ARHGAP23: variants seen among roughly 807,000 people sequenced by gnomAD.
ARHGAP23 encodes the protein Rho GTPase activating protein 23, also known as rho GTPase-activating protein 23.
Under a neutral mutation model 136.3 loss-of-function variants are expected in ARHGAP23, and 34 were observed. That is an observed-to-expected ratio of 0.25 (90% CI 0.19 to 0.33). The LOEUF (loss-of-function observed/expected upper bound fraction) is 0.33, where lower values mean the gene tolerates loss of function less well. Among genes scored for constraint, ARHGAP23 ranks in the 10% least tolerant of loss-of-function variants. The pLI is 1.00. For missense variants in ARHGAP23, 1,808 were observed against 2,139.0 expected (o/e 0.85, Z 3.05); for synonymous variants, 832 against 920.5 (o/e 0.90, Z 1.74).
intron 1 of ARHGAP23, among the ~76,000 whole-genome samples, chr17:38,456,118 G>A (rs112849790): frequency 0.028 from 4,192 of 152,266 alleles, 73 homozygotes; most frequent in Middle Eastern, 0.061. Flanking sequence ...TCAGCCTCTT[G>A]TATATTCCAC....
At chr17:38,501,214 CA>C (rs2040510541) in intron 23 of ARHGAP23, 1 of 151,448 alleles carries the variant, frequency 6.6e-6, no homozygotes, top group South Asian at 2.1e-4. Flanking sequence ...GCCAGACTAA[CA>C]GAATAAAAAG....
At position 38,464,730 on chromosome 17, in the gene ARHGAP23, G is replaced by T. The variant is rs565368101; in HGVS notation, c.483+1348G>T. Among the ~76,000 whole-genome samples, 267 of 152,334 alleles carry T rather than the reference G, an allele frequency of 1.8e-3. 1 individual carries two copies. Among genetic ancestry groups the T allele is most frequent in the African/African-American group, 6.0e-3 (250 of 41,582 alleles). ...TCCCCCACTCTCTCCAGTTGGCAGG[G>T]GCAAGGAGTGGGAAGGGCAGTAGCC... On this transcript the variant is annotated intron_variant, in intron 6 of 23. Coordinates refer to ENST00000622683, the MANE Select transcript of ARHGAP23 (RefSeq NM_001199417.2).
chr17:38,479,762 T>A lies in ARHGAP23; in HGVS notation c.2508T>A (p.Ser836=). 6.7e-7 allele frequency: 1 copy of A among 1,488,276 alleles called. No homozygotes were observed. Among genetic ancestry groups the A allele is most frequent in the East Asian group, 2.5e-5 (1 of 40,298 alleles). The allele number at this position is 1,488,276 out of a possible 1,614,324, so 92.2% of individuals were successfully genotyped here. A position where few individuals can be genotyped will look rare whatever the true frequency, so the allele number is the denominator to read the frequency against. Residue 836 remains serine (S), a synonymous_variant, in exon 14 of 24, where the codon TCT becomes TCA. Coordinates refer to ENST00000622683, the MANE Select transcript of ARHGAP23 (RefSeq NM_001199417.2). ...LNDYRKVSHS[S]GPKADSSPKG... ...CCTTTTTCCTACACAGCCATAGCTC[T>A]GGGCCCAAAGCTGATTCCTCCCCCA...
At chr17:38,484,837 G>C (rs1458762480) in intron 16 of ARHGAP23, among the ~76,000 whole-genome samples, 1 of 152,170 alleles carries the variant, frequency 6.6e-6, no homozygotes, top group African/African-American at 2.4e-5. Context: ...TAAGTGTAGT[G>C]GGGGATGAAT....
At chr17:38,461,155 G>A (rs897822808) in intron 3 of ARHGAP23, among the ~76,000 whole-genome samples, 4 of 152,134 alleles carry the variant, frequency 2.6e-5, no homozygotes, top group African/African-American at 9.7e-5. Flanking sequence ...GTCTCCCTTG[G>A]GCATTTCCTC....
At chr17:38,478,700 T>C (rs7501841) in intron 12 of ARHGAP23, among the ~76,000 whole-genome samples, 52,941 of 152,014 alleles carry the variant, frequency 0.35, 9,979 homozygotes, top group East Asian at 0.48. Flanking sequence ...TGAGCTACTG[T>C]GCCCAGCCGA....
At chr17:38,464,290 CCA>C (rs139399817) in intron 6 of ARHGAP23, among the ~76,000 whole-genome samples, 1,755 of 150,870 alleles carry the variant, frequency 0.012, 18 homozygotes, top group African/African-American at 0.038. Flanking sequence ...GCATACCCTT[CCA>C]CACACACACA....
At chr17:38,481,232 C>T (rs1167842488) in intron 14 of ARHGAP23, among the ~76,000 whole-genome samples, 7 of 151,788 alleles carry the variant, frequency 4.6e-5, no homozygotes, top group South Asian at 2.1e-4. Context: ...CTGCAAGCTC[C>T]GCCTCCTGGG....
chr17:38,505,971 C>T (rs138725795), intron 23 of ARHGAP23, among the ~76,000 whole-genome samples: 1 of 152,096 alleles, frequency 6.6e-6, no homozygotes, highest in African/African-American at 2.4e-5. Context: ...TGCTCCAGAA[C>T]GACACCTATC....
chr17:38,442,900 G>A (rs1043011179), intron 1 of ARHGAP23, among the ~76,000 whole-genome samples: 1 of 152,184 alleles, frequency 6.6e-6, no homozygotes, highest in African/African-American at 2.4e-5. Flanking sequence ...CAGGGCAATG[G>A]TGTAATGAAG....
intron 1 of ARHGAP23, among the ~76,000 whole-genome samples, chr17:38,422,369 T>C (rs1253406506): frequency 6.6e-6 from 1 of 152,252 alleles, no homozygotes; most frequent in Non-Finnish European, 1.5e-5. Flanking sequence ...AAGCCCCTGC[T>C]GAGTGACGGC....
rs549405449 is a variant in ARHGAP23 at position 38,482,015 on chromosome 17, A to G, written c.2630-7A>G. The stretch of plus-strand genomic sequence containing the variant: ...AGCTCACTCTGGCTCTGTCTCCCCC[A>G]CTTCAGATGACAGTGCTGCAGCCCC... On this transcript the variant is annotated splice_region_variant and splice_polypyrimidine_tract_variant and intron_variant, in intron 14 of 23. Coordinates refer to ENST00000622683, the MANE Select transcript of ARHGAP23 (RefSeq NM_001199417.2). 8.5e-6 allele frequency: 13 copies of G among 1,522,118 alleles called. No individual in the cohort carries two copies. Among genetic ancestry groups the G allele is most frequent in the African/African-American group, 1.4e-5 (1 of 71,006 alleles). The allele number at this position is 1,522,118 out of a possible 1,614,324, so 94.3% of individuals were successfully genotyped here. A position where few individuals can be genotyped will look rare whatever the true frequency, so the allele number is the denominator to read the frequency against.
At position 38,479,480 on chromosome 17, in the gene ARHGAP23, C is replaced by T. The variant is rs7405920; in HGVS notation, c.2481C>T (p.Asn827=). The part of the protein sequence containing the change: ...ANQALISKKL[N]DYRKVSHSSG... ...AAGCTCTGATCAGCAAGAAGCTTAA[C>T]GATTATCGCAAAGTGAGGTGAGGCC... Residue 827 remains asparagine (N), a synonymous_variant, in exon 13 of 24, where the codon AAC becomes AAT. Transcript: ENST00000622683. The T allele has an allele frequency of 0.94, 1,455,015 of 1,545,364 alleles. 685,454 individuals carry two copies. The highest frequency in any genetic ancestry group is 0.99 in the African/African-American group (72,319 of 73,016).
intron 20 of ARHGAP23, among the ~76,000 whole-genome samples, chr17:38,497,124 G>A (rs1364907114): frequency 6.6e-6 from 1 of 151,952 alleles, no homozygotes; most frequent in Non-Finnish European, 1.5e-5. Context: ...AAGCAATCTG[G>A]ATTTTTTTTT....
intron 1 of ARHGAP23, among the ~76,000 whole-genome samples, chr17:38,448,830 G>A (rs997224633): frequency 2.1e-5 from 3 of 146,082 alleles, no homozygotes; most frequent in Non-Finnish European, 3.0e-5. Flanking sequence ...ATTTTTTGTA[G>A]AGATGGGGTC....
At chr17:38,464,113 G>A (rs796172863) in intron 6 of ARHGAP23, among the ~76,000 whole-genome samples, 2 of 152,236 alleles carry the variant, frequency 1.3e-5, no homozygotes, top group African/African-American at 2.4e-5. Flanking sequence ...ATGTATGCTC[G>A]CAAACACCGC....
chr17:38,460,822 G>A, intron 2 of ARHGAP23, 83 bp from the exon 3 acceptor site: 1 of 1,535,782 alleles, frequency 6.5e-7, no homozygotes, highest in Middle Eastern at 1.7e-4. Context: ...GGAACCTGAA[G>A]GGGCCCTGCC....
intron 1 of ARHGAP23, among the ~76,000 whole-genome samples, chr17:38,454,437 T>C (rs896693757): frequency 6.6e-6 from 1 of 151,982 alleles, no homozygotes; most frequent in Non-Finnish European, 1.5e-5. Context: ...ACCAGAGCGT[T>C]TGAAGAGACG....
intron 23 of ARHGAP23, among the ~76,000 whole-genome samples, chr17:38,502,449 C>T (rs1333964054): frequency 1.3e-5 from 2 of 152,196 alleles, no homozygotes; most frequent in African/African-American, 4.8e-5. Flanking sequence ...ACTTGTTGAA[C>T]GTCTACTTTA....
Sources: gnomAD v4.1 joint callset for allele counts (sites outside exome capture counted in the v4.1 genomes callset) on GRCh38, gnomAD v4.1.1 for gene constraint, MANE v1.5 for transcripts, NCBI Gene and HGNC (gene_info 2026-07-23, HGNC 2026-07-21) for gene names.